EPS15: variants seen among roughly 807,000 people sequenced by gnomAD.
The protein encoded by EPS15 is epidermal growth factor receptor pathway substrate 15, also known as epidermal growth factor receptor substrate 15.
Under a neutral mutation model 113.8 loss-of-function variants are expected in EPS15, and 72 were observed. That is an observed-to-expected ratio of 0.63 (90% confidence interval 0.52 to 0.77). The LOEUF (loss-of-function observed/expected upper bound fraction) is 0.77. Ranked by LOEUF, EPS15 falls within the 30% of genes least tolerant of loss-of-function variation. EPS15 has a pLI of 0.00. For missense variants in EPS15, 1,048 were observed against 1,045.8 expected, an observed-to-expected ratio of 1.00 and a Z score of -0.03; for synonymous variants, 344 against 363.4, an observed-to-expected ratio of 0.95 and a Z score of 0.61.
chr1:51,411,595 ATATGCTTATG>A (rs2148435071), intron 13 of EPS15, among the ~76,000 whole-genome samples: 1 of 152,352 alleles, frequency 6.6e-6, no homozygotes, highest in East Asian at 1.9e-4. Flanking sequence ...TCTTAGTTAA[ATATGCTTATG>A]CCCCTTCTAA....
chr1:51,408,312 T>C lies in EPS15; in HGVS notation c.1296A>G (p.Glu432=). ...EAQLISSLKA[E]LTSQESQIST... is the part of the protein sequence containing the mutation. ...AGATCTGCGATTCCTGACTAGTTAATTCAGCTTTCAGAGAAGAGATCTATA... is the reference window on the plus strand; with the variant it reads ...AGATCTGCGATTCCTGACTAGTTAACTCAGCTTTCAGAGAAGAGATCTATA... The change falls in exon 15 of 25, where the codon GAA becomes GAG. Residue 432 remains glutamate (E), a synonymous_variant. Transcript: ENST00000371733. 1 of 1,612,248 alleles carries C rather than the reference T, an allele frequency of 6.2e-7. No homozygotes were observed. The highest frequency in any genetic ancestry group is 2.2e-5 in the East Asian group (1 of 44,868).
intron 12 of EPS15, among the ~76,000 whole-genome samples, chr1:51,431,320 G>A (rs1320656902): frequency 6.6e-6 from 1 of 152,100 alleles, no homozygotes; most frequent in Non-Finnish European, 1.5e-5. Context: ...GTAAGTAACT[G>A]AAAAGAGAGC....
At chr1:51,401,066 C>T (rs1648502186) in intron 18 of EPS15, 113 bp from the exon 19 acceptor site, 2 of 626,634 alleles carry the variant, frequency 3.2e-6, no homozygotes, top group Non-Finnish European at 5.6e-6. Flanking sequence ...TCAATAACTT[C>T]ACTTCACAGT....
Position 51,394,406 on chromosome 1 carries a change from T to G in EPS15, c.2094A>C (p.Gly698=). The change falls in exon 21 of 25, where the codon GGA becomes GGC. Residue 698 remains glycine, a synonymous_variant. Transcript: ENST00000371733. ...LKHNDPFAPG[G]TVVAASDSAT... ...CTGAATCGCTTGCTGCAACAACTGTTCCACCAGGAGCAAAAGGATCATTGT... is the reference window on the plus strand; with the variant it reads ...CTGAATCGCTTGCTGCAACAACTGTGCCACCAGGAGCAAAAGGATCATTGT... The G allele has an allele frequency of 6.2e-7, 1 of 1,602,382 alleles. No homozygotes were observed. The highest frequency in any genetic ancestry group is 8.5e-7 in the Non-Finnish European group (1 of 1,172,174).
At chr1:51,379,313 T>C (rs1165593949) in intron 21 of EPS15, among the ~76,000 whole-genome samples, 1 of 151,440 alleles carries the variant, frequency 6.6e-6, no homozygotes, top group Non-Finnish European at 1.5e-5. Flanking sequence ...AGAGATGGAG[T>C]TTCATCATGT....
chr1:51,366,093 G>T, intron 21 of EPS15, 64 bp from the exon 22 acceptor site: 1 of 1,073,176 alleles, frequency 9.3e-7, no homozygotes, highest in Non-Finnish European at 1.4e-6. Context: ...TTGAGACAGA[G>T]TCTCACTCTG....
Position 51,392,203 on chromosome 1 carries a change from A to C in EPS15, c.2119+2178T>G, listed in dbSNP as rs756389740. Among the ~76,000 whole-genome samples the C allele has an allele frequency of 2.6e-5, 4 of 152,358 alleles. No individual in the cohort carries two copies. In the East Asian group the frequency reaches 7.7e-4, roughly 29 times the overall value. On this transcript the variant is annotated intron_variant, in intron 21 of 24. Transcript: ENST00000371733. Reference sequence around the variant, plus strand: ...ACCTCATTTGAATTGGATACATCTAATACTACTACTTTAACCTTCTGAAAA... The same window carrying C: ...ACCTCATTTGAATTGGATACATCTACTACTACTACTTTAACCTTCTGAAAA...
At chr1:51,403,958 A>C (rs1648838078) in intron 16 of EPS15, among the ~76,000 whole-genome samples, 1 of 152,148 alleles carries the variant, frequency 6.6e-6, no homozygotes, top group Non-Finnish European at 1.5e-5. Context: ...AATAGCTCTA[A>C]AATGTGGATG....
rs1045894825 is a variant in EPS15, at chr1:51,430,986, A to G, written c.1041-9128T>C. On this transcript the variant is annotated intron_variant, in intron 12 of 24. Transcript: ENST00000371733. ...AAATACATTACTTACATACACACAC[A>G]CACACACACACACACACACACACAC... Among the ~76,000 whole-genome samples the G allele has an allele frequency of 5.4e-4, 64 of 117,806 alleles. 1 individual carries two copies. The South Asian group carries it at 0.015, about 27-fold the overall frequency. 77.3% of individuals were successfully genotyped at this position (117,806 alleles called of 152,430 possible).
chr1:51,451,665 A>AC (rs1653580644), intron 8 of EPS15, among the ~76,000 whole-genome samples: 1 of 151,302 alleles, frequency 6.6e-6, no homozygotes, highest in Non-Finnish European at 1.5e-5. Context: ...TTGAACCATG[A>AC]CAAGTATTTT....
At chr1:51,358,770 C>G (rs1486357445) in intron 24 of EPS15, among the ~76,000 whole-genome samples, 1 of 147,250 alleles carries the variant, frequency 6.8e-6, no homozygotes, top group Non-Finnish European at 1.5e-5. Context: ...GACAGTGGCA[C>G]TATATCAGCT....
At chr1:51,399,621 G>C (rs918131151) in intron 19 of EPS15, among the ~76,000 whole-genome samples, 1 of 152,048 alleles carries the variant, frequency 6.6e-6, no homozygotes, top group African/African-American at 2.4e-5. Flanking sequence ...CACTTTGGGA[G>C]GTTGAGGTAG....
chr1:51,360,289 C>T (rs1195578892), intron 24 of EPS15, among the ~76,000 whole-genome samples: 1 of 151,990 alleles, frequency 6.6e-6, no homozygotes, highest in Non-Finnish European at 1.5e-5. Context: ...GCAATGATAA[C>T]GAAGGTTATT....
intron 12 of EPS15, among the ~76,000 whole-genome samples, chr1:51,428,789 T>C (rs900259030): frequency 3.8e-5 from 5 of 133,226 alleles, no homozygotes; most frequent in African/African-American, 1.2e-4. Flanking sequence ...ATTGCACTGC[T>C]GCACTCCAGC....
chr1:51,411,189 C>T (rs899126010), intron 13 of EPS15, among the ~76,000 whole-genome samples: 1 of 152,320 alleles, frequency 6.6e-6, no homozygotes, highest in East Asian at 1.9e-4. Context: ...TGCTTTTTAT[C>T]TTATATTTTC....
intron 2 of EPS15, among the ~76,000 whole-genome samples, chr1:51,477,885 A>C (rs1045161324): frequency 1.3e-5 from 2 of 152,144 alleles, no homozygotes; most frequent in African/African-American, 2.4e-5. Context: ...TATGTGGTCA[A>C]TTTTGGAATA....
chr1:51,436,026 G>T (rs1652123538), intron 12 of EPS15, among the ~76,000 whole-genome samples: 1 of 152,170 alleles, frequency 6.6e-6, no homozygotes, highest in South Asian at 2.1e-4. Context: ...TCTATCATAC[G>T]ACTGGAGAAA....
intron 1 of EPS15, among the ~76,000 whole-genome samples, chr1:51,485,886 C>A (rs1007332817): frequency 2.0e-5 from 3 of 152,120 alleles, no homozygotes; most frequent in African/African-American, 7.2e-5. Context: ...CAACCTCTGC[C>A]TCCCAGGTTC....
At chr1:51,519,174 C>A (rs748146035) in intron 1 of EPS15, 25 bp downstream of exon 1, 3 of 1,436,852 alleles carry the variant, frequency 2.1e-6, no homozygotes, top group Non-Finnish European at 2.8e-6. Context: ...CCGGCCAAGC[C>A]CGGCGGACGG....
Sources: allele counts gnomAD v4.1 joint callset (sites outside exome capture counted in the v4.1 genomes callset), GRCh38; gene constraint gnomAD v4.1.1; transcripts MANE v1.5; gene names NCBI Gene and HGNC (gene_info 2026-07-23, HGNC 2026-07-21).